QKI: variants seen among roughly 807,000 people sequenced by gnomAD.
QKI encodes the protein QKI, KH domain containing RNA binding.
In QKI, 10 loss-of-function variants were observed where a neutral mutation model predicts 39.0. That is an observed-to-expected ratio of 0.26 (90% CI 0.16 to 0.43). QKI has a LOEUF of 0.43. Among genes scored for constraint, QKI ranks in the 20% least tolerant of loss-of-function variants. The pLI, the probability that QKI is intolerant of heterozygous loss-of-function variation, is 1.00. For synonymous variants in QKI, 204 were observed against 155.4 expected (o/e 1.31, Z -2.33); for missense variants, 218 against 428.0 (o/e 0.51, Z 4.33).
chr6:163,434,688 C>G (rs1421145134), intron 1 of QKI, among the ~76,000 whole-genome samples: 1 of 151,292 alleles, frequency 6.6e-6, no homozygotes. Context: ...GCACTCCAGC[C>G]TGGGCAACAG....
intron 1 of QKI, chr6:163,415,845 G>A (rs1374051286): frequency 2.0e-5 from 10 of 488,096 alleles, no homozygotes; most frequent in Non-Finnish European, 3.7e-5. Context: ...GAGGACTAAA[G>A]CGGGGTTTCG....
chr6:163,546,182 T>A (rs1378651364), intron 4 of QKI, among the ~76,000 whole-genome samples: 1 of 151,554 alleles, frequency 6.6e-6, no homozygotes, highest in Non-Finnish European at 1.5e-5. Flanking sequence ...TCAATACATA[T>A]TTTTAAATAT....
chr6:163,560,802 T>C (rs1782945480), intron 4 of QKI, among the ~76,000 whole-genome samples: 1 of 152,164 alleles, frequency 6.6e-6, no homozygotes, highest in Non-Finnish European at 1.5e-5. Flanking sequence ...AATCTGGCCT[T>C]TGTGTAGAGA....
chr6:163,449,087 C>T (rs948745916), intron 1 of QKI, among the ~76,000 whole-genome samples: 5 of 151,922 alleles, frequency 3.3e-5, no homozygotes, highest in Admixed American at 1.3e-4. Context: ...TTATTAAGAC[C>T]TAAAATAACT....
rs768700518 is a variant in QKI, at chr6:163,415,351, G to C, written c.142+16G>C. 132 of 1,529,336 alleles carry C rather than the reference G, an allele frequency of 8.6e-5. No individual in the cohort carries two copies. The highest frequency in any genetic ancestry group is 1.1e-4 in the Non-Finnish European group (125 of 1,128,950). The allele number at this position is 1,529,336 out of a possible 1,614,324, so 94.7% of individuals were successfully genotyped here. ...CTGGACGAAGGTGAGCGTCTCCAGG[G>C]CCCCGGCCCCGGCCCGACCCCCGCC... On this transcript the variant is annotated intron_variant, in intron 1 of 7. Coordinates refer to ENST00000361752, the MANE Select transcript of QKI (RefSeq NM_006775.3).
intron 7 of QKI, chr6:163,567,914 C>T (rs1032282540): frequency 1.7e-5 from 17 of 985,404 alleles, no homozygotes; most frequent in Non-Finnish European, 1.7e-5. Context: ...ATACTAGACA[C>T]AGCTGTTGTC....
rs1015372100 is a variant in QKI at position 163,523,078 on chromosome 6, C to T, written c.403-11904C>T. Among the ~76,000 whole-genome samples, 19 of 152,184 alleles carry T rather than the reference C, an allele frequency of 1.2e-4. No individual in the cohort carries two copies. In the East Asian group the frequency reaches 2.5e-3, roughly 20 times the overall value. ...TAACATTAGGCTGTGATCTTTTGCT[C>T]GATGAGGAAGTAAGGCAGACTGTAT... On this transcript the variant is annotated intron_variant, in intron 3 of 7. Transcript: ENST00000361752.
chr6:163,449,031 G>A (rs983407830), intron 1 of QKI, among the ~76,000 whole-genome samples: 1 of 151,984 alleles, frequency 6.6e-6, no homozygotes, highest in Non-Finnish European at 1.5e-5. Flanking sequence ...TAATATTATT[G>A]TTTTAAGATT....
intron 3 of QKI, among the ~76,000 whole-genome samples, chr6:163,531,132 A>G (rs1325155193): frequency 1.3e-5 from 2 of 151,968 alleles, no homozygotes; most frequent in African/African-American, 2.4e-5. Context: ...AGGAGTTTCT[A>G]TTTGTATTCA....
intron 2 of QKI, among the ~76,000 whole-genome samples, chr6:163,459,803 T>G (rs2128220361): frequency 6.6e-6 from 1 of 152,280 alleles, no homozygotes; most frequent in East Asian, 1.9e-4. Context: ...ACGATTAAAT[T>G]ATTGAAGACT....
At chr6:163,429,702 TG>T (rs1382192645) in intron 1 of QKI, among the ~76,000 whole-genome samples, 2 of 152,200 alleles carry the variant, frequency 1.3e-5, no homozygotes, top group Non-Finnish European at 2.9e-5. Context: ...AGAAACTGGT[TG>T]TTAGGATGCA....
At chr6:163,441,487 T>C (rs1018276521) in intron 1 of QKI, among the ~76,000 whole-genome samples, 5 of 152,202 alleles carry the variant, frequency 3.3e-5, no homozygotes, top group Admixed American at 6.5e-5. Flanking sequence ...GTTACAAATA[T>C]AGCAAAAGGC....
At chr6:163,434,739 GTTAA>G (rs1282362901) in intron 1 of QKI, among the ~76,000 whole-genome samples, 1 of 151,644 alleles carries the variant, frequency 6.6e-6, no homozygotes, top group African/African-American at 2.4e-5. Context: ...TAAGATAAAT[GTTAA>G]TTATATAGAT....
intron 2 of QKI, among the ~76,000 whole-genome samples, chr6:163,458,623 ATC>A (rs1791114427): frequency 6.6e-6 from 1 of 152,164 alleles, no homozygotes; most frequent in African/African-American, 2.4e-5. Context: ...GGCAGTGCAG[ATC>A]TCTGAAACTG....
intron 4 of QKI, among the ~76,000 whole-genome samples, chr6:163,559,414 T>C (rs1232637942): frequency 6.9e-6 from 1 of 145,960 alleles, no homozygotes; most frequent in East Asian, 2.1e-4. Context: ...GTTTTAATTT[T>C]CAAATGACTA....
chr6:163,427,861 C>T (rs1428296398), intron 1 of QKI, among the ~76,000 whole-genome samples: 1 of 152,092 alleles, frequency 6.6e-6, no homozygotes, highest in African/African-American at 2.4e-5. Context: ...ATATATAGAT[C>T]TTTAAAGCTT....
intron 4 of QKI, among the ~76,000 whole-genome samples, chr6:163,549,421 A>G (rs1756880870): frequency 6.6e-6 from 1 of 152,098 alleles, no homozygotes; most frequent in South Asian, 2.1e-4. Flanking sequence ...TACTTCCTGA[A>G]AACACTGCGC....
At chr6:163,427,662 C>T (rs1001993653) in intron 1 of QKI, among the ~76,000 whole-genome samples, 4 of 151,626 alleles carry the variant, frequency 2.6e-5, no homozygotes, top group African/African-American at 7.3e-5. Context: ...CAGGTGCGTG[C>T]GTGTGTGTGC....
At chr6:163,478,553 G>T (rs546484262) in intron 2 of QKI, among the ~76,000 whole-genome samples, 2 of 152,298 alleles carry the variant, frequency 1.3e-5, no homozygotes, top group Non-Finnish European at 2.9e-5. Context: ...ACTGTTCCCA[G>T]TTCATAGTTT....
Sources: gnomAD v4.1 joint callset for allele counts (sites outside exome capture counted in the v4.1 genomes callset) on GRCh38, gnomAD v4.1.1 for gene constraint, MANE v1.5 for transcripts, NCBI Gene and HGNC (gene_info 2026-07-23, HGNC 2026-07-21) for gene names.